The following CATSPERB variants were observed in gnomAD, a reference collection of about 807,000 sequenced individuals.
CATSPERB encodes the protein catsper channel auxiliary subunit beta, also known as cation channel sperm-associated auxiliary subunit beta.
A neutral mutation model predicts 128.3 loss-of-function variants in CATSPERB; 93 were observed. The observed-to-expected ratio is 0.72, with a 90% CI of 0.61 to 0.86. The LOEUF (loss-of-function observed/expected upper bound fraction) is 0.86. CATSPERB is among the 40% of genes least tolerant of loss of function. The probability of loss-of-function intolerance (pLI) is 0.00; values close to 1 mark genes in which losing one functional copy is unlikely to be tolerated. For synonymous variants in CATSPERB, 381 were observed against 448.8 expected, an observed-to-expected ratio of 0.85 and a Z score of 1.91; for missense variants, 1,153 against 1,329.5, an observed-to-expected ratio of 0.87 and a Z score of 2.06.
chr14:91,685,682 G>A (rs1340977477), intron 10 of CATSPERB, among the ~76,000 whole-genome samples: 1 of 152,228 alleles, frequency 6.6e-6, no homozygotes, highest in East Asian at 1.9e-4. Flanking sequence ...TCTGAAGAAT[G>A]AGTTGAAATT....
intron 15 of CATSPERB, among the ~76,000 whole-genome samples, chr14:91,644,219 TA>T (rs1432136492): frequency 1.6e-5 from 2 of 124,894 alleles, no homozygotes; most frequent in East Asian, 5.1e-4. Flanking sequence ...CATTTAAAGT[TA>T]ATATTGTTAT....
intron 15 of CATSPERB, among the ~76,000 whole-genome samples, chr14:91,651,738 T>C (rs575974031): frequency 5.6e-4 from 86 of 152,276 alleles, no homozygotes; most frequent in South Asian, 1.5e-3. Context: ...AGGTGGTCCA[T>C]TGGAGTAGCT....
intron 21 of CATSPERB, 112 bp from the exon 22 acceptor site, chr14:91,608,516 A>G: frequency 1.5e-6 from 1 of 649,950 alleles, no homozygotes; most frequent in Admixed American, 3.3e-5. Context: ...TTTTAGCTAC[A>G]GGTATTAAAG....
At chr14:91,708,331 C>T in intron 5 of CATSPERB, 95 bp from the exon 6 acceptor site, 3 of 725,754 alleles carry the variant, frequency 4.1e-6, no homozygotes, top group Non-Finnish European at 6.9e-6. Context: ...CAATGATAGC[C>T]TTTCCTTTTC....
At chr14:91,662,816 G>A (rs1743093) in intron 14 of CATSPERB, among the ~76,000 whole-genome samples, 119,340 of 152,134 alleles carry the variant, frequency 0.78, 47,020 homozygotes, top group East Asian at 0.92. Context: ...ATCTCTTCAC[G>A]TATTCATTCC....
intron 20 of CATSPERB, 124 bp downstream of exon 20, chr14:91,617,473 A>G: frequency 1.6e-6 from 1 of 626,044 alleles, no homozygotes; most frequent in Non-Finnish European, 2.6e-6. Flanking sequence ...TTGTAACCCT[A>G]TACTCTTATG....
chr14:91,604,898 G>T, intron 22 of CATSPERB: 3 of 1,264,252 alleles, frequency 2.4e-6, no homozygotes, highest in Non-Finnish European at 3.5e-6. Context: ...CTGGAACCAC[G>T]TCTTAACCTG....
At chr14:91,642,680 T>C (rs1225303919) in intron 15 of CATSPERB, among the ~76,000 whole-genome samples, 1 of 127,620 alleles carries the variant, frequency 7.8e-6, no homozygotes, top group East Asian at 2.4e-4. Context: ...CTTTTTTGGT[T>C]GTGTCTCTGC....
intron 16 of CATSPERB, among the ~76,000 whole-genome samples, chr14:91,638,697 C>T (rs1894427933): frequency 6.6e-6 from 1 of 152,186 alleles, no homozygotes; most frequent in Non-Finnish European, 1.5e-5. Context: ...GCTAGGATTA[C>T]AGGCATGAGC....
chr14:91,720,547 C>A (rs1896010866), intron 4 of CATSPERB, among the ~76,000 whole-genome samples: 1 of 151,700 alleles, frequency 6.6e-6, no homozygotes, highest in Admixed American at 6.6e-5. Flanking sequence ...AAAACTTATA[C>A]TCTGAAAACA....
At chr14:91,589,303 G>A (rs1893356133) in intron 24 of CATSPERB, among the ~76,000 whole-genome samples, 1 of 152,184 alleles carries the variant, frequency 6.6e-6, no homozygotes, top group South Asian at 2.1e-4. Flanking sequence ...TTTTTTTGCA[G>A]TGTAAATTAT....
intron 3 of CATSPERB, among the ~76,000 whole-genome samples, chr14:91,724,256 A>T (rs1457367602): frequency 6.6e-6 from 1 of 152,154 alleles, no homozygotes; most frequent in East Asian, 1.9e-4. Context: ...GCCCCAGGAC[A>T]CACAGACCAT....
At chr14:91,619,864 TGTGTGTG>T (rs1419950973) in intron 19 of CATSPERB, among the ~76,000 whole-genome samples, 11 of 5,646 alleles carry the variant, frequency 1.9e-3, no homozygotes. Context: ...AATAAAATTG[TGTGTGTG>T]TGTGTGTGTG....
rs554398728 is a variant in CATSPERB, at chr14:91,704,298, G to A, written c.616+254C>T. Among the ~76,000 whole-genome samples the A allele has an allele frequency of 6.6e-5, 10 of 152,110 alleles. No individual in the cohort carries two copies. In the East Asian group the frequency reaches 1.4e-3, roughly 21 times the overall value. Reference sequence around the variant, plus strand: ...GGGAGAAAGTAACATATTAATGGAGGGCATGGGATAAATGAAATTAGGAGA... The same window carrying A: ...GGGAGAAAGTAACATATTAATGGAGAGCATGGGATAAATGAAATTAGGAGA... On this transcript the variant is annotated intron_variant, in intron 7 of 26. Coordinates refer to ENST00000256343, the MANE Select transcript of CATSPERB (RefSeq NM_024764.4).
In CATSPERB at chr14:91,639,187, T is replaced by C; in HGVS notation, c.1496A>G (p.His499Arg). 1 of 1,613,902 alleles carries C rather than the reference T, an allele frequency of 6.2e-7. No homozygotes were observed. The highest frequency in any genetic ancestry group is 8.5e-7 in the Non-Finnish European group (1 of 1,179,846). The change falls in exon 16 of 27, where the codon CAC becomes CGC. Residue 499 changes from histidine to arginine, a missense_variant. Coordinates refer to ENST00000256343, the MANE Select transcript of CATSPERB (RefSeq NM_024764.4). ...TERIFTLYYD[H>R]LGFLHKLTLG... ...AGTCAGCTTATGTAGGAATCCCAAG[T>C]GATCATAGTATAATGTGAAAATTCT...
At chr14:91,648,060 C>T (rs1406126960) in intron 15 of CATSPERB, among the ~76,000 whole-genome samples, 2 of 152,284 alleles carry the variant, frequency 1.3e-5, no homozygotes, top group East Asian at 3.9e-4. Flanking sequence ...CACACTTCCT[C>T]CTATTTCACA....
chr14:91,587,282 G>GA lies in CATSPERB; in HGVS notation c.3058-7dup, dbSNP rs1173889385. 5 of 1,597,230 alleles carry GA rather than the reference G, an allele frequency of 3.1e-6. No homozygotes were observed. Among genetic ancestry groups the GA allele is most frequent in the Non-Finnish European group, 4.3e-6 (5 of 1,173,746 alleles). On this transcript the variant is annotated splice_polypyrimidine_tract_variant and splice_region_variant and intron_variant, in intron 25 of 26. Transcript: ENST00000256343. The stretch of plus-strand genomic sequence containing the variant: ...AAGTGGAAAAGTTCAGAGCCCTGTG[G>GA]AAAAAAGCACACCCAGTTGTTAGCA...
chr14:91,614,023 G>A (rs924658499), intron 20 of CATSPERB, among the ~76,000 whole-genome samples: 3 of 152,090 alleles, frequency 2.0e-5, no homozygotes, highest in African/African-American at 7.2e-5. Flanking sequence ...TCATTCTCTT[G>A]AGCAGCCAGC....
chr14:91,707,768 T>A (rs1895759543), intron 6 of CATSPERB, among the ~76,000 whole-genome samples: 1 of 139,382 alleles, frequency 7.2e-6, no homozygotes. Context: ...CTGGTTAACT[T>A]TTTTTTTTTT....
Sources: allele counts gnomAD v4.1 joint callset (sites outside exome capture counted in the v4.1 genomes callset), GRCh38; gene constraint gnomAD v4.1.1; transcripts MANE v1.5; gene names NCBI Gene and HGNC (gene_info 2026-07-23, HGNC 2026-07-21).